The following NSMF variants were observed in gnomAD, a reference collection of about 807,000 sequenced individuals.
NSMF encodes the protein nasal embryonic LHRH factor.
Under a neutral mutation model 71.0 loss-of-function variants are expected in NSMF, and 31 were observed. The ratio of observed to expected loss-of-function variants is 0.44; its 90% CI spans 0.33 to 0.59. NSMF has a LOEUF of 0.59. NSMF is among the 20% of genes least tolerant of loss of function. The pLI is 0.04. For missense variants in NSMF, 673 were observed against 740.5 expected (o/e 0.91, Z 1.06); for synonymous variants, 345 against 287.1 (o/e 1.20, Z -2.04).
chr9:137,452,921 G>A (rs1766980648), intron 9 of NSMF, 102 bp from the exon 10 acceptor site: 2 of 1,554,636 alleles, frequency 1.3e-6, no homozygotes, highest in Non-Finnish European at 8.8e-7. Context: ...GGCAGCCCAA[G>A]GGTATAGCCC....
In NSMF at chr9:137,450,246, C is replaced by T. The variant is rs1250134519; in HGVS notation, c.1246G>A (p.Gly416Arg). 1.2e-6 allele frequency: 2 copies of T among 1,613,106 alleles called. No homozygotes were observed. The highest frequency in any genetic ancestry group is 1.7e-6 in the Non-Finnish European group (2 of 1,179,680). Residue 416 changes from glycine to arginine, a missense_variant, in exon 13 of 16, where the codon GGA (glycine) becomes AGA (arginine). Physicochemically the swap from Gly to Arg is moderately radical, Grantham distance 125. Transcript: ENST00000371475. ...KMLIFCQGGP[G>R]HLYLLKNKVA... ...TTGTTCTTGAGGAGATAGAGGTGTC[C>T]AGGACCTCCCTGTAAGAAGCTGTGG...
intron 12 of NSMF, among the ~76,000 whole-genome samples, chr9:137,451,072 CCA>C (rs1241361517): frequency 1.7e-5 from 1 of 58,580 alleles, no homozygotes; most frequent in Non-Finnish European, 3.4e-5. Context: ...ATCTCCCCCT[CCA>C]CACGCCTCTT....
At chr9:137,449,708 G>A in intron 14 of NSMF, 34 bp from the exon 15 acceptor site, 1 of 1,580,638 alleles carries the variant, frequency 6.3e-7, no homozygotes, top group Non-Finnish European at 8.7e-7. Context: ...GTCCGAGGCA[G>A]AGAGATGGGG....
At position 137,458,519 on chromosome 9, in the gene NSMF, G is replaced by T; in HGVS notation, c.102C>A (p.Ser34=). The T allele has an allele frequency of 6.3e-7, 1 of 1,599,020 alleles. No individual in the cohort carries two copies. The change falls in exon 2 of 16, where the codon TCC becomes TCA. Residue 34 remains serine, a synonymous_variant. Transcript: ENST00000371475. ...CGTTGCGGTTCTCAGGGTGACTCTG[G>T]GACAGGTACTCTCCAAACGCTCGGG... is the stretch of plus-strand genomic sequence containing the variant. ...RAARAFGEYL[S]QSHPENRNGA... is the part of the protein sequence containing the mutation.
At chr9:137,458,808 A>C (rs1831012799) in intron 1 of NSMF, among the ~76,000 whole-genome samples, 1 of 151,752 alleles carries the variant, frequency 6.6e-6, no homozygotes, top group African/African-American at 2.4e-5. Context: ...AACCGAGGCC[A>C]CTCCCGACCT....
chr9:137,457,771 G>A lies in NSMF; in HGVS notation c.264C>T (p.Ser88=), dbSNP rs1421167357. 2.6e-6 allele frequency: 4 copies of A among 1,560,226 alleles called. No individual in the cohort carries two copies. Among genetic ancestry groups the A allele is most frequent in the African/African-American group, 2.7e-5 (2 of 73,932 alleles). ...GGCCCTCGCCTGCGGGCTTCCTAAT[G>A]CTGGGCTCCTCTGAGAGGCTGCCCT... ...CYEGSLSEEP[S]IRKPAGEGPQ... is the part of the protein sequence containing the mutation. Residue 88 remains serine, a synonymous_variant, in exon 3 of 16, where the codon AGC becomes AGT. Transcript: ENST00000371475.
At chr9:137,455,359 A>G in intron 5 of NSMF, 52 bp from the exon 6 acceptor site, 6 of 1,592,904 alleles carry the variant, frequency 3.8e-6, no homozygotes, top group Non-Finnish European at 5.2e-6. Flanking sequence ...CAGGAGGGAC[A>G]CAGACGTCGG....
At chr9:137,456,614 G>A in intron 3 of NSMF, 128 bp from the exon 4 acceptor site, 1 of 735,952 alleles carries the variant, frequency 1.4e-6, no homozygotes, top group Non-Finnish European at 2.5e-6. Flanking sequence ...GCGGGTGGGG[G>A]GAGGGTGGCA....
At chr9:137,458,447 G>T in intron 2 of NSMF, 41 bp downstream of exon 2, 1 of 1,525,822 alleles carries the variant, frequency 6.6e-7, no homozygotes, top group South Asian at 1.2e-5. Flanking sequence ...CCTTGGGCTG[G>T]GGGGTCTGGG....
At chr9:137,450,077 ACAGAG>A in intron 13 of NSMF, 52 bp from the exon 14 acceptor site, 1 of 1,591,614 alleles carries the variant, frequency 6.3e-7, no homozygotes, top group Non-Finnish European at 8.6e-7. Context: ...ACCCCACTCC[ACAGAG>A]CGGACCGTGG....
intron 12 of NSMF, 35 bp downstream of exon 12, chr9:137,452,330 C>G: frequency 6.4e-7 from 1 of 1,572,138 alleles, no homozygotes; most frequent in East Asian, 2.4e-5. Context: ...CACCACGATT[C>G]TTCTCCTGGT....
At position 137,449,491 on chromosome 9, in the gene NSMF, C is replaced by T; in HGVS notation, c.1496G>A (p.Gly499Glu). ...FESPLELSAQ[G>E]KQMIETYFDF... ...AAAGTACGTCTCGATCATCTGCTTC[C>T]CTGGGCGGAGCGGGGGCAGGAGGCT... The change falls in exon 16 of 16, where the codon GGG (glycine) becomes GAG (glutamate). Residue 499 changes from glycine to glutamate, a missense_variant and splice_region_variant. By Grantham distance (98) the Gly-to-Glu change is moderately conservative. Transcript: ENST00000371475. 1 of 1,612,888 alleles carries T rather than the reference C, an allele frequency of 6.2e-7. No homozygotes were observed. Among genetic ancestry groups the T allele is most frequent in the Non-Finnish European group, 8.5e-7 (1 of 1,179,922 alleles).
chr9:137,449,499 G>A lies in NSMF; in HGVS notation c.1496-8C>T, dbSNP rs1839790792. The A allele has an allele frequency of 6.2e-7, 1 of 1,612,646 alleles. No homozygotes were observed. Among genetic ancestry groups the A allele is most frequent in the African/African-American group, 1.3e-5 (1 of 74,932 alleles). ...TCTCGATCATCTGCTTCCCTGGGCGGAGCGGGGGCAGGAGGCTCAGGCCTG... is the reference window on the plus strand; with the variant it reads ...TCTCGATCATCTGCTTCCCTGGGCGAAGCGGGGGCAGGAGGCTCAGGCCTG... On this transcript the variant is annotated splice_polypyrimidine_tract_variant and splice_region_variant and intron_variant, in intron 15 of 15. Coordinates refer to ENST00000371475, the MANE Select transcript of NSMF (RefSeq NM_001130969.3).
chr9:137,454,066 TGGGAGGGGAGGAGCC>T (rs1830698105), intron 7 of NSMF, among the ~76,000 whole-genome samples: 1 of 138,908 alleles, frequency 7.2e-6, no homozygotes, highest in East Asian at 2.2e-4. Flanking sequence ...GGGGCGTGGC[TGGGAGGGGAGGAGCC>T]TGGGCCGGGC....
intron 12 of NSMF, 68 bp downstream of exon 12, chr9:137,452,297 T>A: frequency 7.7e-7 from 1 of 1,291,740 alleles, no homozygotes; most frequent in Non-Finnish European, 1.1e-6. Flanking sequence ...ACTTGACTTC[T>A]TCCCCTTGGT....
chr9:137,449,883 G>C (rs1221656476), intron 14 of NSMF, 40 bp downstream of exon 14: 2 of 1,542,898 alleles, frequency 1.3e-6, no homozygotes, highest in African/African-American at 1.4e-5. Context: ...CACGTCGGGG[G>C]TTTCCAGAGG....
intron 14 of NSMF, 40 bp downstream of exon 14, chr9:137,449,883 G>A (rs1221656476): frequency 6.5e-7 from 1 of 1,543,016 alleles, no homozygotes; most frequent in Non-Finnish European, 9.0e-7. Context: ...CACGTCGGGG[G>A]TTTCCAGAGG....
intron 13 of NSMF, 49 bp from the exon 14 acceptor site, chr9:137,450,074 T>A (rs1222428544): frequency 1.3e-6 from 2 of 1,592,372 alleles, no homozygotes; most frequent in African/African-American, 2.7e-5. Flanking sequence ...GGCACCCCAC[T>A]CCACAGAGCG....
At position 137,449,363 on chromosome 9, in the gene NSMF, C is replaced by T. The variant is rs1340394231; in HGVS notation, c.*31G>A. ...CAGGTCCCGGTGCAGAGGGAGTGGC[C>T]TGATGGTGACTGGGCGGAGGCCTCT... On this transcript the variant is annotated 3_prime_UTR_variant, in exon 16 of 16. Transcript: ENST00000371475. The T allele has an allele frequency of 1.3e-6, 2 of 1,584,478 alleles. No individual in the cohort carries two copies. Among genetic ancestry groups the T allele is most frequent in the Admixed American group, 1.7e-5 (1 of 59,890 alleles).
Sources: allele counts gnomAD v4.1 joint callset (sites outside exome capture counted in the v4.1 genomes callset), GRCh38; gene constraint gnomAD v4.1.1; transcripts MANE v1.5; gene names NCBI Gene and HGNC (gene_info 2026-07-23, HGNC 2026-07-21).